MICU1: variants seen among roughly 807,000 people sequenced by gnomAD.
MICU1 encodes the protein mitochondrial calcium uptake 1.
Under a neutral mutation model 56.8 loss-of-function variants are expected in MICU1, and 45 were observed. The observed-to-expected ratio is 0.79, with a 90% CI of 0.62 to 1.02. The LOEUF (loss-of-function observed/expected upper bound fraction) is 1.02, where lower values mean the gene tolerates loss of function less well. MICU1 is among the 50% of genes least tolerant of loss of function. The pLI, the probability that MICU1 is intolerant of heterozygous loss-of-function variation, is 0.00. For missense variants in MICU1, 504 were observed against 587.1 expected, an observed-to-expected ratio of 0.86 and a Z score of 1.46; for synonymous variants, 186 against 195.1, an observed-to-expected ratio of 0.95 and a Z score of 0.39.
At chr10:72,448,776 T>C (rs1261738241) in intron 8 of MICU1, among the ~76,000 whole-genome samples, 1 of 151,908 alleles carries the variant, frequency 6.6e-6, no homozygotes, top group Non-Finnish European at 1.5e-5. Context: ...GAAAATATTT[T>C]CCCCCTTAAG....
intron 1 of MICU1, among the ~76,000 whole-genome samples, chr10:72,625,304 G>A (rs1842200336): frequency 6.6e-6 from 1 of 152,104 alleles, no homozygotes; most frequent in African/African-American, 2.4e-5. Flanking sequence ...ATGGAAAATT[G>A]GAAGGTAAAG....
At chr10:72,582,354 G>A (rs979209292) in intron 1 of MICU1, among the ~76,000 whole-genome samples, 2 of 152,146 alleles carry the variant, frequency 1.3e-5, no homozygotes, top group African/African-American at 2.4e-5. Flanking sequence ...TATTTTGCGA[G>A]GACACAGCAA....
At chr10:72,476,764 A>G (rs1241188137) in intron 7 of MICU1, among the ~76,000 whole-genome samples, 1 of 152,188 alleles carries the variant, frequency 6.6e-6, no homozygotes, top group African/African-American at 2.4e-5. Context: ...GTCACCTACT[A>G]TAGTCAAAAA....
intron 6 of MICU1, among the ~76,000 whole-genome samples, chr10:72,493,847 C>A (rs1866748155): frequency 6.6e-6 from 1 of 152,042 alleles, no homozygotes; most frequent in South Asian, 2.1e-4. Flanking sequence ...AATTGCTGGA[C>A]CAAAATTTGA....
In MICU1 at chr10:72,367,404, A is replaced by C. The variant is rs1862183854; in HGVS notation, c.*791T>G. On this transcript the variant is annotated 3_prime_UTR_variant, in exon 12 of 12. Transcript: ENST00000361114. ...TGATATTTACAATTGTTTAAGACAGAGGGCAAACAGGCTCTGAGCCAGGCC... is the reference window on the plus strand; with the variant it reads ...TGATATTTACAATTGTTTAAGACAGCGGGCAAACAGGCTCTGAGCCAGGCC... 1 of 152,330 alleles carries C rather than the reference A, an allele frequency of 6.6e-6. No homozygotes were observed. Among genetic ancestry groups the C allele is most frequent in the South Asian group, 2.1e-4 (1 of 4,830 alleles). 9.4% of individuals were successfully genotyped at this position (152,330 alleles called of 1,614,324 possible).
chr10:72,550,251 C>T (rs1355958835), intron 4 of MICU1, among the ~76,000 whole-genome samples: 1 of 152,058 alleles, frequency 6.6e-6, no homozygotes, highest in Non-Finnish European at 1.5e-5. Context: ...TTTGGATATA[C>T]AATTACTTAC....
chr10:72,604,501 G>A (rs1564958858), intron 1 of MICU1, among the ~76,000 whole-genome samples: 1 of 151,632 alleles, frequency 6.6e-6, no homozygotes, highest in South Asian at 2.1e-4. Context: ...TCAAACTCCC[G>A]ACCTCAGGCA....
intron 5 of MICU1, among the ~76,000 whole-genome samples, chr10:72,511,119 A>C (rs1867433856): frequency 6.6e-6 from 1 of 152,128 alleles, no homozygotes; most frequent in Non-Finnish European, 1.5e-5. Flanking sequence ...ATTGGTTTTG[A>C]TTGTGATAAA....
chr10:72,461,662 A>C (rs1564883558), intron 8 of MICU1, among the ~76,000 whole-genome samples: 1 of 152,108 alleles, frequency 6.6e-6, no homozygotes, highest in Admixed American at 6.6e-5. Flanking sequence ...TTAAGAAAAG[A>C]CTCTGAGCCG....
At chr10:72,540,722 C>G (rs929328170) in intron 4 of MICU1, among the ~76,000 whole-genome samples, 2 of 152,186 alleles carry the variant, frequency 1.3e-5, no homozygotes, top group African/African-American at 2.4e-5. Flanking sequence ...GATTACTGAT[C>G]TCAAATATTT....
intron 4 of MICU1, among the ~76,000 whole-genome samples, chr10:72,539,510 A>G (rs1839716244): frequency 6.6e-6 from 1 of 152,228 alleles, no homozygotes; most frequent in African/African-American, 2.4e-5. Flanking sequence ...AAGAAATTAA[A>G]AAGAAAATTT....
chr10:72,488,207 G>GA (rs1220592573), intron 6 of MICU1, among the ~76,000 whole-genome samples: 22 of 140,302 alleles, frequency 1.6e-4, no homozygotes, highest in East Asian at 6.2e-4. Flanking sequence ...AAAAAAAAAA[G>GA]AAAAAAAAAT....
intron 7 of MICU1, among the ~76,000 whole-genome samples, chr10:72,476,509 A>G (rs1866128642): frequency 6.6e-6 from 1 of 152,128 alleles, no homozygotes; most frequent in African/African-American, 2.4e-5. Context: ...GATTATAAGC[A>G]TGAGTGATCG....
At chr10:72,602,966 A>C (rs1841580998) in intron 1 of MICU1, among the ~76,000 whole-genome samples, 2 of 151,238 alleles carry the variant, frequency 1.3e-5, no homozygotes, top group South Asian at 4.2e-4. Flanking sequence ...AATACAAAAA[A>C]TTAGCCGGGC....
At position 72,601,671 on chromosome 10, in the gene MICU1, G is replaced by A. The variant is rs142483903; in HGVS notation, c.-2+24339C>T. 1.6e-4 allele frequency among the ~76,000 whole-genome samples: 24 copies of A among 152,000 alleles called. 1 individual carries two copies. The East Asian group carries it at 4.6e-3, about 29-fold the overall frequency. ...TTCTGTGATACAGGAGTCCTCATAA[G>A]GAAATGAGGAGCTGAAGAAACAAGA... On this transcript the variant is annotated intron_variant, in intron 1 of 11. Transcript: ENST00000361114.
intron 3 of MICU1, among the ~76,000 whole-genome samples, chr10:72,553,238 T>C (rs1840080237): frequency 1.3e-5 from 2 of 150,118 alleles, no homozygotes; most frequent in South Asian, 2.1e-4. Context: ...TTTCTTCTTT[T>C]TTTTTTTTTT....
At chr10:72,556,324 A>G (rs141694632) in intron 3 of MICU1, among the ~76,000 whole-genome samples, 1 of 152,232 alleles carries the variant, frequency 6.6e-6, no homozygotes, top group African/African-American at 2.4e-5. Flanking sequence ...TAATATACAT[A>G]AATTCCAATA....
At chr10:72,448,491 T>C (rs956640976) in intron 8 of MICU1, among the ~76,000 whole-genome samples, 15 of 151,958 alleles carry the variant, frequency 9.9e-5, no homozygotes, top group Non-Finnish European at 1.6e-4. Flanking sequence ...TATTTTTTAA[T>C]ACACTAAACA....
intron 1 of MICU1, among the ~76,000 whole-genome samples, chr10:72,623,226 G>A (rs1342905497): frequency 2.2e-5 from 3 of 137,806 alleles, no homozygotes; most frequent in East Asian, 2.0e-4. Flanking sequence ...AGCCAAAATC[G>A]CGCCATTGCA....
Sources: allele counts gnomAD v4.1 joint callset (sites outside exome capture counted in the v4.1 genomes callset), GRCh38; gene constraint gnomAD v4.1.1; transcripts MANE v1.5; gene names NCBI Gene and HGNC (gene_info 2026-07-23, HGNC 2026-07-21).